CPNE8: variants seen among roughly 807,000 people sequenced by gnomAD.
CPNE8 encodes copine-8.
Under a neutral mutation model 81.5 loss-of-function variants are expected in CPNE8, and 45 were observed. The ratio of observed to expected loss-of-function variants is 0.55; its 90% CI spans 0.44 to 0.71. CPNE8 has a LOEUF of 0.71. Ranked by LOEUF, CPNE8 falls within the 30% of genes least tolerant of loss-of-function variation. The pLI, the probability that CPNE8 is intolerant of heterozygous loss-of-function variation, is 0.00. For missense variants in CPNE8, 594 were observed against 672.1 expected (o/e 0.88, Z 1.28); for synonymous variants, 252 against 226.3 (o/e 1.11, Z -1.02).
chr12:38,841,488 C>T (rs947680429), intron 4 of CPNE8, among the ~76,000 whole-genome samples: 4 of 152,068 alleles, frequency 2.6e-5, no homozygotes, highest in Non-Finnish European at 5.9e-5. Flanking sequence ...ATTTTTAAGA[C>T]AATCAGAGAA....
chr12:38,721,706 G>C (rs75874418), intron 13 of CPNE8, among the ~76,000 whole-genome samples: 1 of 152,328 alleles, frequency 6.6e-6, no homozygotes, highest in South Asian at 2.1e-4. Flanking sequence ...GCCCCTGGGG[G>C]AGCCCAGACC....
intron 3 of CPNE8, among the ~76,000 whole-genome samples, chr12:38,861,543 T>C (rs537414517): frequency 6.6e-6 from 1 of 152,226 alleles, no homozygotes; most frequent in South Asian, 2.1e-4. Context: ...TGAAAGTACT[T>C]AATATTATTT....
At chr12:38,675,857 C>T (rs1939276760) in intron 17 of CPNE8, 83 bp from the exon 18 acceptor site, 1 of 903,456 alleles carries the variant, frequency 1.1e-6, no homozygotes, top group Non-Finnish European at 1.8e-6. Flanking sequence ...TGATATCTCA[C>T]TCTTGAAATC....
At chr12:38,893,916 C>G (rs1415251677) in intron 1 of CPNE8, among the ~76,000 whole-genome samples, 1 of 152,002 alleles carries the variant, frequency 6.6e-6, no homozygotes, top group Non-Finnish European at 1.5e-5. Flanking sequence ...AGTAAAATAG[C>G]CTTTTTTGTT....
intron 3 of CPNE8, among the ~76,000 whole-genome samples, chr12:38,856,959 C>T (rs1178198405): frequency 6.6e-6 from 1 of 151,428 alleles, no homozygotes; most frequent in Admixed American, 6.6e-5. Context: ...CTATGAGTAT[C>T]AGGGTTTTTT....
intron 7 of CPNE8, among the ~76,000 whole-genome samples, chr12:38,774,138 G>A (rs967202938): frequency 1.2e-4 from 18 of 152,038 alleles, no homozygotes; most frequent in African/African-American, 3.9e-4. Flanking sequence ...CTTCCAACAA[G>A]AGAGTAGAAC....
intron 10 of CPNE8, among the ~76,000 whole-genome samples, chr12:38,752,576 C>T (rs1941373831): frequency 6.6e-6 from 1 of 152,138 alleles, no homozygotes; most frequent in African/African-American, 2.4e-5. Context: ...TTCAATATCA[C>T]CTCTGGTAAC....
At chr12:38,872,647 A>C (rs1227602510) in intron 3 of CPNE8, among the ~76,000 whole-genome samples, 1 of 152,236 alleles carries the variant, frequency 6.6e-6, no homozygotes. Context: ...CACAACTGAA[A>C]TCTTTTCAAG....
chr12:38,851,544 C>T (rs1352664355), intron 3 of CPNE8, among the ~76,000 whole-genome samples: 1 of 152,164 alleles, frequency 6.6e-6, no homozygotes, highest in Non-Finnish European at 1.5e-5. Flanking sequence ...AACTCCAAAA[C>T]ATGCCTCACA....
intron 6 of CPNE8, among the ~76,000 whole-genome samples, chr12:38,824,644 CTCTAA>C (rs1171514392): frequency 6.6e-6 from 1 of 151,224 alleles, no homozygotes; most frequent in Non-Finnish European, 1.5e-5. Flanking sequence ...GGAAATAAAT[CTCTAA>C]TCTAAAATTA....
intron 5 of CPNE8, among the ~76,000 whole-genome samples, chr12:38,836,984 G>A (rs1943392029): frequency 6.6e-6 from 1 of 151,886 alleles, no homozygotes; most frequent in Non-Finnish European, 1.5e-5. Flanking sequence ...ATAAGCTCAG[G>A]CACTTATTAA....
intron 10 of CPNE8, among the ~76,000 whole-genome samples, chr12:38,736,009 T>G (rs1940944301): frequency 6.6e-6 from 1 of 151,862 alleles, no homozygotes; most frequent in Non-Finnish European, 1.5e-5. Flanking sequence ...CTATGTAGAT[T>G]ACAATAGTAC....
At chr12:38,654,127 C>G in intron 19 of CPNE8, 57 bp from the exon 20 acceptor site, 1 of 1,503,806 alleles carries the variant, frequency 6.6e-7, no homozygotes, top group Admixed American at 2.3e-5. Context: ...ATGTAATAAA[C>G]ACAAAAAATC....
At chr12:38,872,010 C>T (rs185108520) in intron 3 of CPNE8, among the ~76,000 whole-genome samples, 2 of 152,252 alleles carry the variant, frequency 1.3e-5, no homozygotes, top group African/African-American at 4.8e-5. Flanking sequence ...TGGCGCATGC[C>T]TGTAATCTCA....
At chr12:38,816,460 C>T (rs1369271113) in intron 6 of CPNE8, among the ~76,000 whole-genome samples, 1 of 152,156 alleles carries the variant, frequency 6.6e-6, no homozygotes, top group Non-Finnish European at 1.5e-5. Flanking sequence ...ATGCTGTGGA[C>T]TCCCTGTGTC....
In CPNE8 at chr12:38,660,470, T is replaced by C. The variant is rs1057109688; in HGVS notation, c.1507-6400A>G. The stretch of plus-strand genomic sequence containing the variant: ...ACCTTATACAAAAATTAATTCAAGA[T>C]GGATTAAAGACTTAAATCTTAGACT... On this transcript the variant is annotated intron_variant, in intron 19 of 19. Transcript: ENST00000331366. Among the ~76,000 whole-genome samples the C allele has an allele frequency of 2.6e-5, 4 of 152,208 alleles. No homozygotes were observed. The East Asian group carries it at 7.7e-4, about 29-fold the overall frequency.
At chr12:38,695,793 G>T (rs909715039) in intron 14 of CPNE8, among the ~76,000 whole-genome samples, 11 of 152,062 alleles carry the variant, frequency 7.2e-5, no homozygotes, top group African/African-American at 2.7e-4. Context: ...ACAAAAATCA[G>T]CTGGGTGTGG....
chr12:38,657,719 T>A lies in CPNE8; in HGVS notation c.1507-3649A>T, dbSNP rs1030527806. On this transcript the variant is annotated intron_variant, in intron 19 of 19. Transcript: ENST00000331366. ...GCAATATTTTCAGTTCTGCAATATT[T>A]GCTGTTCTGCAGCCTCCACTGGTGA... 8.3e-4 allele frequency among the ~76,000 whole-genome samples: 126 copies of A among 152,250 alleles called. 2 individuals carry two copies. The highest frequency in any genetic ancestry group is 4.0e-4 in the Non-Finnish European group (27 of 68,018).
At chr12:38,664,590 T>C (rs1205135564) in intron 19 of CPNE8, among the ~76,000 whole-genome samples, 4 of 152,168 alleles carry the variant, frequency 2.6e-5, no homozygotes, top group African/African-American at 9.6e-5. Flanking sequence ...TTTCACCTTT[T>C]CAGCAAGTCC....
Sources: gnomAD v4.1 joint callset for allele counts (sites outside exome capture counted in the v4.1 genomes callset) on GRCh38, gnomAD v4.1.1 for gene constraint, MANE v1.5 for transcripts, NCBI Gene and HGNC (gene_info 2026-07-23, HGNC 2026-07-21) for gene names.